Variants in SNX24 observed in about 807,000 individuals in gnomAD.
SNX24 encodes the protein sorting nexin-24.
SNX24 carries 22 observed loss-of-function variants against 28.7 expected under a neutral mutation model. That is an observed-to-expected ratio of 0.77 (90% CI 0.55 to 1.10). SNX24 has a LOEUF of 1.10. SNX24 is among the 50% of genes least tolerant of loss of function. The pLI is 0.00. For missense variants in SNX24, 221 were observed against 201.1 expected, an observed-to-expected ratio of 1.10 and a Z score of -0.60; for synonymous variants, 69 against 71.5, an observed-to-expected ratio of 0.96 and a Z score of 0.18.
At chr5:122,983,664 C>T (rs924670693) in intron 3 of SNX24, among the ~76,000 whole-genome samples, 2 of 152,124 alleles carry the variant, frequency 1.3e-5, no homozygotes, top group South Asian at 4.1e-4. Flanking sequence ...AGTGCAGTGG[C>T]AAGATCATAG....
chr5:122,989,315 C>G (rs749636594), intron 3 of SNX24, among the ~76,000 whole-genome samples: 1 of 152,130 alleles, frequency 6.6e-6, no homozygotes, highest in African/African-American at 2.4e-5. Flanking sequence ...TGGCCTTTTC[C>G]TCATAATTAT....
intron 3 of SNX24, chr5:122,983,218 C>T (rs915039899): frequency 3.3e-5 from 5 of 149,858 alleles, no homozygotes; most frequent in African/African-American, 1.2e-4. Context: ...GCAAGTGCAA[C>T]AATTTAGATT....
In SNX24 at chr5:123,028,622, A is replaced by T. The variant is rs957333185; in HGVS notation, n.384-616A>T. ...CTCATACCTGTCGAGATGCTGCTAG[A>T]TGAGTCCCCAAAACTCCATCCTTCT... On this transcript the variant is annotated intron_variant and non_coding_transcript_variant, in intron 5 of 5. Coordinates refer to the SNX24 transcript ENST00000502387. 2.1e-5 allele frequency: 12 copies of T among 582,456 alleles called. No homozygotes were observed. In the African/African-American group the frequency reaches 2.3e-4, roughly 11 times the overall value. 36.1% of individuals were successfully genotyped at this position (582,456 alleles called of 1,614,324 possible).
intron 1 of SNX24, among the ~76,000 whole-genome samples, chr5:122,932,576 A>G (rs1758999147): frequency 6.6e-6 from 1 of 152,212 alleles, no homozygotes; most frequent in Non-Finnish European, 1.5e-5. Context: ...ATACCCAATT[A>G]ATTCTCATTT....
intron 3 of SNX24, among the ~76,000 whole-genome samples, chr5:122,956,912 C>G (rs1313252371): frequency 6.6e-6 from 1 of 151,312 alleles, no homozygotes; most frequent in East Asian, 1.9e-4. Context: ...TTTAAGAGTT[C>G]TCTATATATT....
intron 3 of SNX24, among the ~76,000 whole-genome samples, chr5:122,988,133 TTGTC>T (rs1158637867): frequency 6.6e-6 from 1 of 152,132 alleles, no homozygotes; most frequent in Admixed American, 6.5e-5. Flanking sequence ...CTGGTACAGT[TTGTC>T]TGGCCAACTA....
chr5:122,951,289 GAAA>G (rs1759931018), intron 3 of SNX24, among the ~76,000 whole-genome samples: 1 of 130,994 alleles, frequency 7.6e-6, no homozygotes, highest in African/African-American at 2.8e-5. Flanking sequence ...AAAAGAAAAA[GAAA>G]AGAAAATTTA....
chr5:122,939,933 GTTACC>G (rs1759366267), intron 2 of SNX24, among the ~76,000 whole-genome samples: 2 of 151,820 alleles, frequency 1.3e-5, no homozygotes, highest in African/African-American at 4.8e-5. Context: ...CTACTTTTCT[GTTACC>G]TTGCATTATC....
intron 5 of SNX24, among the ~76,000 whole-genome samples, chr5:123,016,111 C>A (rs1284764365): frequency 6.6e-6 from 1 of 152,164 alleles, no homozygotes; most frequent in African/African-American, 2.4e-5. Context: ...AAACTAGAAT[C>A]CTTGCCCTTA....
rs139899871 is a variant in SNX24, at chr5:123,021,980, G to T, written n.384-7258G>T. ...CAGAGGCCCAAGAGAACCAAGAGGGGCCCAAGAGGCCTTCCACTCCGACGA... is the reference window on the plus strand; with the variant it reads ...CAGAGGCCCAAGAGAACCAAGAGGGTCCCAAGAGGCCTTCCACTCCGACGA... On this transcript the variant is annotated intron_variant and non_coding_transcript_variant, in intron 5 of 5. Transcript: ENST00000502387. Among the ~76,000 whole-genome samples the T allele has an allele frequency of 2.1e-3, 317 of 152,158 alleles. 2 individuals carry two copies. The highest frequency in any genetic ancestry group is 7.3e-3 in the African/African-American group (305 of 41,502).
At chr5:122,897,072 AATATT>A (rs1055773000) in intron 1 of SNX24, among the ~76,000 whole-genome samples, 75 of 152,318 alleles carry the variant, frequency 4.9e-4, no homozygotes, top group African/African-American at 1.7e-3. Context: ...AGTGTTTTAG[AATATT>A]ATATTTAAGT....
intron 1 of SNX24, among the ~76,000 whole-genome samples, chr5:122,897,228 T>C (rs562117691): frequency 6.6e-6 from 1 of 152,298 alleles, no homozygotes; most frequent in Non-Finnish European, 1.5e-5. Context: ...AAGATGTCAT[T>C]AGAAGAATTT....
chr5:123,018,800 C>T lies in SNX24; in HGVS notation n.384-10438C>T, dbSNP rs968728534. On this transcript the variant is annotated intron_variant and non_coding_transcript_variant, in intron 5 of 5. Coordinates refer to the SNX24 transcript ENST00000502387. The stretch of plus-strand genomic sequence containing the variant: ...CTCCCGGGTTCAAGCAATTCTCCTG[C>T]CTTAGCCTCTCAAGTAGCTGGGATT... 3.9e-5 allele frequency among the ~76,000 whole-genome samples: 6 copies of T among 152,068 alleles called. No homozygotes were observed. In the South Asian group the frequency reaches 1.0e-3, roughly 26 times the overall value.
intron 1 of SNX24, among the ~76,000 whole-genome samples, chr5:122,893,263 T>G (rs893561160): frequency 2.6e-5 from 4 of 151,958 alleles, no homozygotes; most frequent in Admixed American, 6.6e-5. Context: ...AGTCGGCTCT[T>G]GTGTCCTTTT....
chr5:122,973,094 G>C (rs1006515381), intron 3 of SNX24, among the ~76,000 whole-genome samples: 1 of 152,182 alleles, frequency 6.6e-6, no homozygotes, highest in African/African-American at 2.4e-5. Context: ...CTCTGCTGAG[G>C]TCATCCTTTG....
chr5:123,006,760 G>T (rs76743079), intron 6 of SNX24, among the ~76,000 whole-genome samples: 6,328 of 152,226 alleles, frequency 0.042, 193 homozygotes, highest in East Asian at 0.1. Flanking sequence ...CACCTGGCTA[G>T]CTCCCTCTGC....
downstream of SNX24, among the ~76,000 whole-genome samples, chr5:123,011,925 G>C (rs190887643): frequency 1.2e-4 from 19 of 152,260 alleles, no homozygotes; most frequent in East Asian, 3.7e-3. Flanking sequence ...ATTAATCTTA[G>C]TTCCCATAAT....
intron 3 of SNX24, among the ~76,000 whole-genome samples, chr5:122,995,192 C>T (rs1389142711): frequency 3.3e-5 from 5 of 152,186 alleles, no homozygotes; most frequent in Non-Finnish European, 7.4e-5. Flanking sequence ...TTATTGCACA[C>T]GCTTCAATTA....
rs780987113 is a variant in SNX24, at chr5:123,029,312, G to A, written n.458G>A. The A allele has an allele frequency of 7.5e-5, 121 of 1,613,950 alleles. No homozygotes were observed. Among genetic ancestry groups the A allele is most frequent in the Non-Finnish European group, 9.6e-5 (113 of 1,179,968 alleles). ...AATAAAATTGAGACATACCTCTCCT[G>A]TTGCTAGAGCAACAAAATTTTCCAC... On this transcript the variant is annotated non_coding_transcript_exon_variant, in exon 6 of 6. Transcript: ENST00000502387.
Sources: allele counts gnomAD v4.1 joint callset (sites outside exome capture counted in the v4.1 genomes callset), GRCh38; gene constraint gnomAD v4.1.1; transcripts MANE v1.5; gene names NCBI Gene and HGNC (gene_info 2026-07-23, HGNC 2026-07-21).